INVS: variants seen among roughly 807,000 people sequenced by gnomAD.
The protein encoded by INVS is inversin.
INVS carries 86 observed loss-of-function variants against 108.8 expected under a neutral mutation model. The ratio of observed to expected loss-of-function variants is 0.79; its 90% CI spans 0.66 to 0.95. The LOEUF is 0.95. Among genes scored for constraint, INVS ranks in the 40% least tolerant of loss-of-function variants. INVS has a pLI of 0.00. For missense variants in INVS, 1,169 were observed against 1,297.4 expected (o/e 0.90, Z 1.52); for synonymous variants, 455 against 473.5 (o/e 0.96, Z 0.51).
rs1315658749 is a variant in INVS at position 100,223,617 on chromosome 9, CA to C, written c.274-2442del. 2.2e-4 allele frequency among the ~76,000 whole-genome samples: 34 copies of C among 152,250 alleles called. No individual in the cohort carries two copies. In the South Asian group the frequency reaches 4.8e-3, roughly 21 times the overall value. On this transcript the variant is annotated intron_variant, in intron 3 of 16. Coordinates refer to ENST00000262457, the MANE Select transcript of INVS (RefSeq NM_014425.5). The stretch of plus-strand genomic sequence containing the variant: ...AAACAAACAAATATATATGTAATTG[CA>C]AACTGAGAAAAGTACTATGAGAGAA...
At chr9:100,145,614 A>C (rs1015969385) in intron 3 of INVS, among the ~76,000 whole-genome samples, 2 of 152,038 alleles carry the variant, frequency 1.3e-5, no homozygotes, top group African/African-American at 4.8e-5. Flanking sequence ...GTAGAGACAC[A>C]GAGAGAAGGA....
At chr9:100,281,952 AAG>A (rs964557014) in intron 12 of INVS, among the ~76,000 whole-genome samples, 7 of 152,198 alleles carry the variant, frequency 4.6e-5, no homozygotes, top group African/African-American at 1.4e-4. Flanking sequence ...CCTAAAAAGA[AAG>A]AGGAGACTGC....
In INVS at chr9:100,160,686, A is replaced by G. The variant is rs185737843; in HGVS notation, c.273+34137A>G. Among the ~76,000 whole-genome samples, 6 of 139,654 alleles carry G rather than the reference A, an allele frequency of 4.3e-5. No individual in the cohort carries two copies. The East Asian group carries it at 1.2e-3, about 27-fold the overall frequency. The allele number at this position is 139,654 out of a possible 152,430, so 91.6% of individuals were successfully genotyped here. A position where few individuals can be genotyped will look rare whatever the true frequency, so the allele number is the denominator to read the frequency against. ...ACCTAAAACATAGCTTCCTTTGTTA[A>G]TTTCCCCGTTGTTACGAAGAAAAGT... On this transcript the variant is annotated intron_variant, in intron 3 of 16. Transcript: ENST00000262457.
intron 3 of INVS, among the ~76,000 whole-genome samples, chr9:100,145,490 G>T (rs552000481): frequency 1.9e-3 from 290 of 152,050 alleles, no homozygotes; most frequent in Admixed American, 7.3e-3. Context: ...AGAGGTTGGG[G>T]CATGGAAATA....
At chr9:100,215,514 T>C (rs900586966) in intron 3 of INVS, 1 of 152,030 alleles carries the variant, frequency 6.6e-6, no homozygotes, top group African/African-American at 2.4e-5. Context: ...CCAGAAACAT[T>C]TTTGAGTTGA....
chr9:100,158,778 G>A (rs1472385931), intron 3 of INVS, among the ~76,000 whole-genome samples: 1 of 152,322 alleles, frequency 6.6e-6, no homozygotes, highest in African/African-American at 2.4e-5. Flanking sequence ...GATCCCCAGT[G>A]GTTGGAAGAG....
intron 10 of INVS, among the ~76,000 whole-genome samples, chr9:100,263,086 C>T (rs1186622578): frequency 6.6e-6 from 1 of 152,106 alleles, no homozygotes; most frequent in Non-Finnish European, 1.5e-5. Context: ...ATTGGTCTTG[C>T]TCCTGTCTTT....
intron 3 of INVS, among the ~76,000 whole-genome samples, chr9:100,222,272 A>T (rs1175069044): frequency 2.6e-5 from 4 of 152,212 alleles, no homozygotes; most frequent in Admixed American, 6.5e-5. Context: ...GAACTTTTAC[A>T]AATATCATTT....
At chr9:100,236,500 C>T (rs545313396) in intron 5 of INVS, among the ~76,000 whole-genome samples, 5 of 152,284 alleles carry the variant, frequency 3.3e-5, no homozygotes, top group Admixed American at 3.3e-4. Flanking sequence ...GATTTATCTA[C>T]CTTTGATCTT....
intron 3 of INVS, among the ~76,000 whole-genome samples, chr9:100,183,604 G>A (rs1167341882): frequency 2.6e-5 from 4 of 152,022 alleles, no homozygotes; most frequent in Admixed American, 2.0e-4. Context: ...ACTGCCCTGG[G>A]CAACATGGTG....
chr9:100,242,907 A>T (rs926014296), intron 7 of INVS, among the ~76,000 whole-genome samples: 11 of 152,164 alleles, frequency 7.2e-5, no homozygotes, highest in African/African-American at 2.7e-4. Context: ...ATAAACAGGA[A>T]ATTGACATTG....
In INVS at chr9:100,246,622, G is replaced by A. The variant is rs116438342; in HGVS notation, c.913G>A (p.Val305Ile). Reference sequence around the variant, plus strand: ...AAATCAAGTTTTCTTACAGGAAACGGTTAAAGTGTTTTTAAAACATCCTTC... The same window carrying A: ...AAATCAAGTTTTCTTACAGGAAACGATTAAAGTGTTTTTAAAACATCCTTC... Reference protein sequence around the residue: ...YAAQSNFAETVKVFLKHPSVK... With the variant: ...YAAQSNFAETIKVFLKHPSVK... Residue 305 changes from valine to isoleucine, a missense_variant, in exon 8 of 17, where the codon GTT becomes ATT. Val to Ile is a conservative substitution (Grantham distance 29). Transcript: ENST00000262457. 2.2e-4 allele frequency: 357 copies of A among 1,613,134 alleles called. 1 individual carries two copies. In the African/African-American group the frequency reaches 4.2e-3, roughly 19 times the overall value.
At chr9:100,100,854 T>C (rs1289531476) in intron 1 of INVS, among the ~76,000 whole-genome samples, 482 of 7,036 alleles carry the variant, frequency 0.069, 151 homozygotes, top group African/African-American at 0.28. Context: ...ATAATATATG[T>C]ATATATAATA....
At chr9:100,110,910 T>A (rs1186947534) in intron 2 of INVS, among the ~76,000 whole-genome samples, 2 of 152,240 alleles carry the variant, frequency 1.3e-5, no homozygotes, top group Non-Finnish European at 2.9e-5. Context: ...GTATGTCTCA[T>A]GTTATTATTA....
At chr9:100,153,088 A>G (rs555443725) in intron 3 of INVS, among the ~76,000 whole-genome samples, 1 of 152,066 alleles carries the variant, frequency 6.6e-6, no homozygotes, top group African/African-American at 2.4e-5. Flanking sequence ...TATAATGCTT[A>G]CACATATTGT....
At chr9:100,291,215 C>T (rs1833603650) in intron 13 of INVS, among the ~76,000 whole-genome samples, 1 of 152,090 alleles carries the variant, frequency 6.6e-6, no homozygotes, top group Non-Finnish European at 1.5e-5. Flanking sequence ...ACGCGTGCGC[C>T]ACCATGCCCA....
chr9:100,176,391 C>A (rs1391480352), intron 3 of INVS, among the ~76,000 whole-genome samples: 1 of 152,116 alleles, frequency 6.6e-6, no homozygotes, highest in Admixed American at 6.6e-5. Flanking sequence ...TAGAACCTAG[C>A]GTCAAGAATA....
intron 10 of INVS, among the ~76,000 whole-genome samples, chr9:100,255,260 A>T (rs1383218727): frequency 6.6e-6 from 1 of 152,166 alleles, no homozygotes; most frequent in African/African-American, 2.4e-5. Flanking sequence ...TTGTACATTG[A>T]TTTTGTATCC....
intron 3 of INVS, among the ~76,000 whole-genome samples, chr9:100,145,088 T>C (rs992230835): frequency 2.0e-5 from 3 of 151,992 alleles, no homozygotes; most frequent in Non-Finnish European, 4.4e-5. Context: ...AATAAGTTGT[T>C]TAGGTTTTAG....
Sources: gnomAD v4.1 joint callset for allele counts (sites outside exome capture counted in the v4.1 genomes callset) on GRCh38, gnomAD v4.1.1 for gene constraint, MANE v1.5 for transcripts, NCBI Gene and HGNC (gene_info 2026-07-23, HGNC 2026-07-21) for gene names.